LRBA: variants seen among roughly 807,000 people sequenced by gnomAD.
LRBA encodes the protein LPS responsive beige-like anchor protein, also known as lipopolysaccharide-responsive and beige-like anchor protein.
Under a neutral mutation model 330.0 loss-of-function variants are expected in LRBA, and 176 were observed. That is an observed-to-expected ratio of 0.53 (90% confidence interval 0.47 to 0.60). LRBA has a LOEUF of 0.60. LRBA is among the 20% of genes least tolerant of loss of function. LRBA has a pLI of 0.00. For synonymous variants in LRBA, 1,230 were observed against 1,193.0 expected, an observed-to-expected ratio of 1.03 and a Z score of -0.64; for missense variants, 3,259 against 3,444.8, an observed-to-expected ratio of 0.95 and a Z score of 1.35.
At chr4:150,422,784 T>C in intron 46 of LRBA, 1 of 1,446,436 alleles carries the variant, frequency 6.9e-7, no homozygotes, top group Non-Finnish European at 9.7e-7. Flanking sequence ...CTGTTCTTTC[T>C]GGTAGACCTG....
In LRBA at chr4:150,321,372, C is replaced by T. The variant is rs1693309716; in HGVS notation, c.7453-4G>A. On this transcript the variant is annotated splice_polypyrimidine_tract_variant and splice_region_variant and intron_variant, in intron 49 of 56. Transcript: ENST00000651943. The surrounding 1 kb of genome is among the most constrained non-coding windows in gnomAD (Gnocchi z 4.5). ...TGTCTGTGAACATCAATGGACTCTG[C>T]AGGAGGAGATACTGTTGAGTGGGCA... 2 of 1,578,306 alleles carry T rather than the reference C, an allele frequency of 1.3e-6. No individual in the cohort carries two copies. Among genetic ancestry groups the T allele is most frequent in the Admixed American group, 2.0e-5 (1 of 50,568 alleles).
chr4:150,523,566 G>C (rs568966435), intron 40 of LRBA, among the ~76,000 whole-genome samples: 1 of 152,188 alleles, frequency 6.6e-6, no homozygotes, highest in East Asian at 1.9e-4. Flanking sequence ...ACTAAGGCAG[G>C]TGAGAAATGC....
At chr4:150,386,592 T>A (rs574283075) in intron 47 of LRBA, among the ~76,000 whole-genome samples, 1 of 152,062 alleles carries the variant, frequency 6.6e-6, no homozygotes, top group Non-Finnish European at 1.5e-5. Context: ...GCAAAAGACA[T>A]GATCTCATTC....
At chr4:150,593,349 T>C (rs1773121807) in intron 38 of LRBA, among the ~76,000 whole-genome samples, 1 of 152,212 alleles carries the variant, frequency 6.6e-6, no homozygotes, top group Admixed American at 6.5e-5. Flanking sequence ...TTTACATAGT[T>C]AATTCATTTA....
chr4:150,856,926 C>T (rs983367520), intron 22 of LRBA, among the ~76,000 whole-genome samples: 1 of 152,072 alleles, frequency 6.6e-6, no homozygotes, highest in African/African-American at 2.4e-5. Flanking sequence ...ACTTAATTGG[C>T]ACTCAAATTT....
intron 38 of LRBA, among the ~76,000 whole-genome samples, chr4:150,598,444 C>T (rs1361356380): frequency 6.6e-6 from 1 of 152,098 alleles, no homozygotes; most frequent in Non-Finnish European, 1.5e-5. Context: ...GCTCTGATAA[C>T]AAAATAATAT....
intron 40 of LRBA, among the ~76,000 whole-genome samples, chr4:150,524,879 C>T (rs185317185): frequency 2.6e-5 from 4 of 152,188 alleles, no homozygotes; most frequent in East Asian, 1.9e-4. Context: ...ATTCTAATCT[C>T]GCAAAGGCCA....
At chr4:150,997,384 T>C (rs541636551) in intron 2 of LRBA, among the ~76,000 whole-genome samples, 1 of 152,216 alleles carries the variant, frequency 6.6e-6, no homozygotes, top group African/African-American at 2.4e-5. Flanking sequence ...TGGTCATCAT[T>C]TGACTCACTC....
chr4:150,748,926 A>G (rs1475419578), intron 35 of LRBA, among the ~76,000 whole-genome samples: 2 of 152,170 alleles, frequency 1.3e-5, no homozygotes, highest in Non-Finnish European at 2.9e-5. Flanking sequence ...TCAAAGTGCC[A>G]TCTTAGAAGC....
At chr4:150,877,099 C>CA (rs941146937) in intron 17 of LRBA, among the ~76,000 whole-genome samples, 2 of 149,316 alleles carry the variant, frequency 1.3e-5, no homozygotes, top group African/African-American at 2.5e-5. Flanking sequence ...TAAAAACACA[C>CA]AAAAAAAAAT....
intron 40 of LRBA, among the ~76,000 whole-genome samples, chr4:150,575,548 C>A (rs1309308081): frequency 6.6e-6 from 1 of 151,694 alleles, no homozygotes; most frequent in East Asian, 1.9e-4. Context: ...AAAAACCTAC[C>A]CATACGATAT....
At chr4:150,324,744 A>G (rs1446532208) in intron 49 of LRBA, among the ~76,000 whole-genome samples, 1 of 152,196 alleles carries the variant, frequency 6.6e-6, no homozygotes, top group African/African-American at 2.4e-5. Flanking sequence ...TTGACTTTAT[A>G]TAATTGTTAA....
chr4:150,928,778 A>G (rs1300556241), intron 3 of LRBA, 56 bp downstream of exon 3: 3 of 1,449,762 alleles, frequency 2.1e-6, no homozygotes, highest in Non-Finnish European at 2.9e-6. Flanking sequence ...AAAAATATGT[A>G]TTTGAAAATC....
chr4:150,533,541 G>C (rs1451698567), intron 40 of LRBA, among the ~76,000 whole-genome samples: 7 of 151,982 alleles, frequency 4.6e-5, no homozygotes, highest in Admixed American at 4.6e-4. Flanking sequence ...TGCTGCTGTT[G>C]TTGTTTGAAG....
At chr4:150,779,825 A>G (rs1737920884) in intron 34 of LRBA, among the ~76,000 whole-genome samples, 1 of 152,210 alleles carries the variant, frequency 6.6e-6, no homozygotes. Context: ...TAAAAAGACA[A>G]CAGAAAACAA....
chr4:150,508,585 G>A (rs999503140), intron 40 of LRBA, among the ~76,000 whole-genome samples: 18 of 152,174 alleles, frequency 1.2e-4, no homozygotes, highest in Non-Finnish European at 2.9e-5. Flanking sequence ...ACCACGTCCA[G>A]CCCCAAGTAG....
chr4:150,689,574 T>C (rs1416688500), intron 36 of LRBA, among the ~76,000 whole-genome samples: 1 of 151,988 alleles, frequency 6.6e-6, no homozygotes, highest in East Asian at 1.9e-4. Flanking sequence ...TACTTTACCA[T>C]AAAGAAATCT....
chr4:150,664,827 C>A (rs1015008053), intron 37 of LRBA, among the ~76,000 whole-genome samples: 1 of 152,194 alleles, frequency 6.6e-6, no homozygotes. Context: ...AGAAGCCTAG[C>A]AACTTCAAGT....
chr4:150,975,320 A>G (rs1740028448), intron 2 of LRBA, among the ~76,000 whole-genome samples: 1 of 152,134 alleles, frequency 6.6e-6, no homozygotes, highest in Admixed American at 6.5e-5. Context: ...ACTTGAGGCC[A>G]AGAGTTAGAG....
Sources: gnomAD v4.1 joint callset for allele counts (sites outside exome capture counted in the v4.1 genomes callset) on GRCh38, gnomAD v4.1.1 for gene constraint, Gnocchi (gnomAD v3.1) non-coding constraint, MANE v1.5 for transcripts, NCBI Gene and HGNC (gene_info 2026-07-23, HGNC 2026-07-21) for gene names.